BTBD8: variants seen among roughly 807,000 people sequenced by gnomAD.
BTBD8 encodes the protein BTB/POZ domain-containing protein 8.
In BTBD8, 110 loss-of-function variants were observed where a neutral mutation model predicts 162.9. The ratio of observed to expected loss-of-function variants is 0.68; its 90% CI spans 0.58 to 0.79. The LOEUF is 0.79. Ranked by LOEUF, BTBD8 falls within the 30% of genes least tolerant of loss-of-function variation. The pLI is 0.00. For synonymous variants in BTBD8, 667 were observed against 716.1 expected, an observed-to-expected ratio of 0.93 and a Z score of 1.10; for missense variants, 1,905 against 2,085.4, an observed-to-expected ratio of 0.91 and a Z score of 1.68.
intron 3 of BTBD8, 112 bp from the exon 4 acceptor site, chr1:92,107,772 A>T: frequency 1.3e-6 from 1 of 794,996 alleles, no homozygotes; most frequent in African/African-American, 1.7e-5. Context: ...CCACTTACAT[A>T]TTCCAACTAA....
At chr1:92,096,983 G>A (rs1648470256) in intron 2 of BTBD8, among the ~76,000 whole-genome samples, 2 of 152,128 alleles carry the variant, frequency 1.3e-5, no homozygotes, top group African/African-American at 4.8e-5. Context: ...AGTCAAAGCA[G>A]TGAGAACTTT....
chr1:92,171,449 A>G lies in BTBD8; in HGVS notation c.1624A>G (p.Ser542Gly). The G allele has an allele frequency of 6.6e-7, 1 of 1,522,586 alleles. No homozygotes were observed. The highest frequency in any genetic ancestry group is 1.3e-5 in the South Asian group (1 of 78,100). The allele number at this position is 1,522,586 out of a possible 1,614,324, so 94.3% of individuals were successfully genotyped here. A position where few individuals can be genotyped will look rare whatever the true frequency, so the allele number is the denominator to read the frequency against. The change falls in exon 13 of 18, where the codon AGT becomes GGT. Residue 542 changes from serine to glycine, a missense_variant. By Grantham distance (56) the Ser-to-Gly change is moderately conservative. This residue lies in a region of BTBD8 where 1,374 missense variants were observed against 1,442.7 expected (regional missense o/e 0.95). Coordinates refer to ENST00000636805, the MANE Select transcript of BTBD8 (RefSeq NM_001376131.1). ...AAGACTTGGCAAAAAGCCTATATTC[A>G]GTAGCTCGCAGGTAAACTTTCTAAA... ...DRRLGKKPIF[S>G]SSQQRKQVSD...
intron 5 of BTBD8, among the ~76,000 whole-genome samples, chr1:92,135,338 A>G (rs1056811172): frequency 1.3e-5 from 2 of 152,168 alleles, no homozygotes; most frequent in African/African-American, 4.8e-5. Flanking sequence ...GGCGTGTGCC[A>G]CCTCACCCAG....
chr1:92,180,604 G>T lies in BTBD8; in HGVS notation c.2921G>T (p.Arg974Leu). The T allele has an allele frequency of 6.4e-7, 1 of 1,551,194 alleles. No individual in the cohort carries two copies. The highest frequency in any genetic ancestry group is 8.7e-7 in the Non-Finnish European group (1 of 1,146,882). The change falls in exon 17 of 18, where the codon CGT (arginine) becomes CTT (leucine). Residue 974 changes from arginine (R) to leucine (L), a missense_variant. Transcript: ENST00000636805. ...CAAAAAAGTATGTTTCATGATGTGC[G>T]TGATAATAACAACAAGGACAGTGTT... ...TVQKSMFHDV[R>L]DNNNKDSVSE...
intron 5 of BTBD8, among the ~76,000 whole-genome samples, chr1:92,136,915 G>A (rs1649647881): frequency 6.6e-6 from 1 of 152,174 alleles, no homozygotes; most frequent in South Asian, 2.1e-4. Context: ...TGCTCAATAG[G>A]TGATAATTGT....
At chr1:92,139,505 T>TCA in intron 6 of BTBD8, 75 bp downstream of exon 6, 1 of 1,533,230 alleles carries the variant, frequency 6.5e-7, no homozygotes, top group Non-Finnish European at 8.7e-7. Context: ...TGCAAAGTGT[T>TCA]AATGAAGTAG....
chr1:92,135,008 C>A (rs1439412857), intron 5 of BTBD8, among the ~76,000 whole-genome samples: 2 of 151,674 alleles, frequency 1.3e-5, no homozygotes, highest in Non-Finnish European at 2.9e-5. Context: ...TCTCCTGCCT[C>A]AGCCTCCTGA....
At chr1:92,084,781 CACACAATTTTATG>C (rs1434758838) in intron 1 of BTBD8, among the ~76,000 whole-genome samples, 1 of 152,194 alleles carries the variant, frequency 6.6e-6, no homozygotes, top group Non-Finnish European at 1.5e-5. Flanking sequence ...AGGTTCAGCA[CACACAATTTTATG>C]ACTCCTCTTT....
intron 4 of BTBD8, among the ~76,000 whole-genome samples, chr1:92,109,811 T>C (rs929398997): frequency 6.6e-5 from 10 of 152,254 alleles, no homozygotes; most frequent in African/African-American, 2.4e-4. Context: ...CTTCTTGTTC[T>C]AGATGATCAT....
intron 13 of BTBD8, among the ~76,000 whole-genome samples, chr1:92,173,176 C>T (rs899559290): frequency 1.4e-4 from 21 of 152,196 alleles, no homozygotes; most frequent in Non-Finnish European, 7.3e-5. Context: ...CTGCCCGCCT[C>T]GGCCTCCCAA....
intron 13 of BTBD8, 60 bp from the exon 14 acceptor site, chr1:92,176,769 A>G (rs1650722137): frequency 2.4e-6 from 2 of 840,140 alleles, no homozygotes; most frequent in Non-Finnish European, 3.4e-6. Context: ...TTGGAAACAT[A>G]AAATATTATA....
intron 1 of BTBD8, among the ~76,000 whole-genome samples, chr1:92,081,271 G>A (rs185860933): frequency 6.6e-6 from 1 of 152,160 alleles, no homozygotes; most frequent in Non-Finnish European, 1.5e-5. Flanking sequence ...CTCAGCTCCT[G>A]TGAGGACCAA....
chr1:92,183,785 T>C (rs1650994268), intron 17 of BTBD8, 79 bp from the exon 18 acceptor site: 3 of 832,746 alleles, frequency 3.6e-6, no homozygotes, highest in Non-Finnish European at 5.5e-6. Context: ...ATCACTGTTA[T>C]ATTGTGTTAA....
Position 92,141,126 on chromosome 1 carries a change from A to G in BTBD8, c.845A>G (p.Asn282Ser), listed in dbSNP as rs372506597. Residue 282 changes from asparagine (N) to serine (S), a missense_variant, in exon 7 of 18, where the codon AAT (asparagine) becomes AGT (serine). Physicochemically the swap from Asn to Ser is conservative, Grantham distance 46. Transcript: ENST00000636805. Reference sequence around the variant, plus strand: ...TATTTTTATTTTAGTCAGATACTCAATATGGCTGATATGTATGGACTAGAA... The same window carrying G: ...TATTTTTATTTTAGTCAGATACTCAGTATGGCTGATATGTATGGACTAGAA... ...PDKTNVGQIL[N>S]MADMYGLEGL... The G allele has an allele frequency of 4.0e-5, 63 of 1,561,690 alleles. No homozygotes were observed. The highest frequency in any genetic ancestry group is 5.2e-5 in the Non-Finnish European group (60 of 1,155,926).
intron 2 of BTBD8, among the ~76,000 whole-genome samples, chr1:92,096,624 C>T (rs1184754583): frequency 6.6e-6 from 1 of 150,734 alleles, no homozygotes; most frequent in Non-Finnish European, 1.5e-5. Context: ...AATCATAGCT[C>T]ACTGTAACCT....
intron 9 of BTBD8, among the ~76,000 whole-genome samples, chr1:92,160,213 T>C (rs1277433254): frequency 1.3e-5 from 2 of 152,084 alleles, no homozygotes; most frequent in African/African-American, 4.8e-5. Flanking sequence ...TGATTTCTGT[T>C]TGGCACTTTT....
At chr1:92,118,889 AGTGTGTGTGTGTCT>A (rs1264578878) in intron 4 of BTBD8, among the ~76,000 whole-genome samples, 5 of 81,360 alleles carry the variant, frequency 6.1e-5, no homozygotes, top group Non-Finnish European at 1.2e-4. Flanking sequence ...TTACTCCCTC[AGTGTGTGTGTGTCT>A]GTGTGTGTGT....
At position 92,088,878 on chromosome 1, in the gene BTBD8, A is replaced by G; in HGVS notation, c.330A>G (p.Glu110=). The change falls in exon 2 of 18, where the codon GAA becomes GAG. Residue 110 remains glutamate (E), a synonymous_variant. Coordinates refer to ENST00000636805, the MANE Select transcript of BTBD8 (RefSeq NM_001376131.1). ...CTGTGGAGAATGTTGAAGCTTTAGA[A>G]TTTAGAACGTTTTTACAGTAAGTGC... ...PIAVENVEAL[E]FRTFLQIIYS... is the part of the protein sequence containing the mutation. The G allele has an allele frequency of 6.2e-7, 1 of 1,610,362 alleles. No individual in the cohort carries two copies. The highest frequency in any genetic ancestry group is 8.5e-7 in the Non-Finnish European group (1 of 1,178,168).
chr1:92,080,677 C>T lies in BTBD8; in HGVS notation c.106C>T (p.Leu36=). Residue 36 remains leucine (L), a synonymous_variant, in exon 1 of 18, where the codon CTG becomes TTG. Transcript: ENST00000636805. ...GAAGGGGCCGTGTGAGCGGCGCCGG[C>T]TGAAGGCGACGGTGTCGGAGCAGCT... ...QRKGPCERRR[L]KATVSEQLSQ... The T allele has an allele frequency of 6.2e-7, 1 of 1,613,086 alleles. No individual in the cohort carries two copies. The highest frequency in any genetic ancestry group is 8.5e-7 in the Non-Finnish European group (1 of 1,179,634).
Sources: gnomAD v4.1 joint callset for allele counts (sites outside exome capture counted in the v4.1 genomes callset) on GRCh38, gnomAD v4.1.1 for gene constraint, gnomAD v4.1.1 regional missense constraint, MANE v1.5 for transcripts, NCBI Gene and HGNC (gene_info 2026-07-23, HGNC 2026-07-21) for gene names.